UPF1: variants seen among roughly 807,000 people sequenced by gnomAD.
The protein encoded by UPF1 is regulator of nonsense transcripts 1.
In UPF1, 9 loss-of-function variants were observed where a neutral mutation model predicts 129.2. The observed-to-expected ratio is 0.07, with a 90% CI of 0.04 to 0.12. The LOEUF (loss-of-function observed/expected upper bound fraction) is 0.12. UPF1 is among the 10% of genes least tolerant of loss of function. The pLI, the probability that UPF1 is intolerant of heterozygous loss-of-function variation, is 1.00. For missense variants in UPF1, 788 were observed against 1,525.3 expected, an observed-to-expected ratio of 0.52 and a Z score of 8.05; for synonymous variants, 649 against 644.9, an observed-to-expected ratio of 1.01 and a Z score of -0.10.
intron 18 of UPF1, among the ~76,000 whole-genome samples, 183 bp downstream of exon 18, chr19:18,862,335 G>C (rs2145969180): frequency 6.6e-6 from 1 of 152,258 alleles, no homozygotes; most frequent in South Asian, 2.1e-4. Flanking sequence ...TGTGGCCCCT[G>C]TGCCTCAGCC....
At position 18,850,845 on chromosome 19, in the gene UPF1, A is replaced by G. The variant is rs1238021689; in HGVS notation, c.787A>G (p.Asn263Asp). ...RARQITAQQI[N>D]KLEELWKENP... Reference sequence around the variant, plus strand: ...ACGCCAGATCACGGCACAGCAGATCAACAAGCTGGAGGAGCTGTGGAAGGT... The same window carrying G: ...ACGCCAGATCACGGCACAGCAGATCGACAAGCTGGAGGAGCTGTGGAAGGT... The change falls in exon 5 of 24, where the codon AAC becomes GAC. Residue 263 changes from asparagine (N) to aspartate (D), a missense_variant. Physicochemically the swap from Asn to Asp is conservative, Grantham distance 23. Transcript: ENST00000262803. The surrounding 1 kb of genome is among the most constrained non-coding windows in gnomAD (Gnocchi z 7.1). The G allele has an allele frequency of 6.3e-7, 1 of 1,596,642 alleles. No homozygotes were observed. Among genetic ancestry groups the G allele is most frequent in the East Asian group, 2.3e-5 (1 of 44,266 alleles).
At chr19:18,852,901 C>T in intron 6 of UPF1, 86 bp from the exon 7 acceptor site, 2 of 1,132,562 alleles carry the variant, frequency 1.8e-6, no homozygotes, top group South Asian at 2.8e-5. Flanking sequence ...GCTGTAGGGC[C>T]CGCCTCATGG....
At chr19:18,866,489 T>C in intron 23 of UPF1, 32 bp from the exon 24 acceptor site, 1 of 285,866 alleles carries the variant, frequency 3.5e-6, no homozygotes. Context: ...TCGCAGCCTC[T>C]CACCGCCTCC....
chr19:18,848,921 C>T (rs1387332696), intron 3 of UPF1: 1 of 152,198 alleles, frequency 6.6e-6, no homozygotes. Flanking sequence ...GCTGGCAACC[C>T]CAGCTTCCGG....
chr19:18,835,193 A>G (rs1406786369), intron 1 of UPF1, among the ~76,000 whole-genome samples: 1 of 152,062 alleles, frequency 6.6e-6, no homozygotes, highest in Admixed American at 6.6e-5. Flanking sequence ...GAATCATATC[A>G]TATATGGTGT....
chr19:18,855,874 T>G (rs1202677686), intron 11 of UPF1, 51 bp from the exon 12 acceptor site: 2 of 1,597,380 alleles, frequency 1.3e-6, no homozygotes, highest in Non-Finnish European at 1.7e-6. Flanking sequence ...GCTTACTACG[T>G]TCACCGAGCT....
chr19:18,863,130 G>A (rs950249586), intron 18 of UPF1: 12 of 288,548 alleles, frequency 4.2e-5, no homozygotes, highest in South Asian at 1.4e-4. Context: ...CTGTGGGGCC[G>A]CGTGTGCCCC....
At position 18,866,177 on chromosome 19, in the gene UPF1, C is replaced by A; in HGVS notation, c.*3+11C>A. 6.3e-7 allele frequency: 1 copy of A among 1,578,280 alleles called. No homozygotes were observed. Among genetic ancestry groups the A allele is most frequent in the Non-Finnish European group, 8.6e-7 (1 of 1,161,734 alleles). On this transcript the variant is annotated intron_variant, in intron 23 of 23. Transcript: ENST00000262803. ...TCCCAGTATTAAAAGGCAAGCCCCC[C>A]TGGAGCAGGCCTGGCCCCACCCCAG... is the stretch of plus-strand genomic sequence containing the variant.
In UPF1 at chr19:18,863,432, T is replaced by C. The variant is rs753155657; in HGVS notation, c.2601-6T>C. The C allele has an allele frequency of 6.2e-7, 1 of 1,611,088 alleles. No individual in the cohort carries two copies. The highest frequency in any genetic ancestry group is 1.1e-5 in the South Asian group (1 of 91,058). On this transcript the variant is annotated splice_region_variant and splice_polypyrimidine_tract_variant and intron_variant, in intron 18 of 23. Transcript: ENST00000262803. Reference sequence around the variant, plus strand: ...CTGCGTCCTCAGCACTGCGCCCTTGTTGCAGGTATGGCGTCATCATTGTGG... The same window carrying C: ...CTGCGTCCTCAGCACTGCGCCCTTGCTGCAGGTATGGCGTCATCATTGTGG...
At chr19:18,852,648 CTCCTCTTTCT>C (rs1568276711) in intron 6 of UPF1, among the ~76,000 whole-genome samples, 2 of 149,140 alleles carry the variant, frequency 1.3e-5, no homozygotes, top group African/African-American at 5.0e-5. Flanking sequence ...CCTCCCTCCC[CTCCTCTTTCT>C]GTCCCTCCCT....
Position 18,850,767 on chromosome 19 carries a change from T to C in UPF1, c.709T>C (p.Cys237Arg). Residue 237 changes from cysteine (C) to arginine (R), a missense_variant, in exon 5 of 24, where the codon TGC (cysteine) becomes CGC (arginine). By Grantham distance (180) the Cys-to-Arg change is radical (BLOSUM62 -3). This residue lies in a region of UPF1 where 227 missense variants were observed against 517.9 expected (regional missense o/e 0.44). Coordinates refer to ENST00000262803, the MANE Select transcript of UPF1 (RefSeq NM_002911.4). This position sits in a 1 kb window ranked among gnomAD's most constrained non-coding sequence, Gnocchi z 7.1. The part of the protein sequence containing the change: ...SQWQPLIQDR[C>R]FLSWLVKIPS... Reference sequence around the variant, plus strand: ...GTGGCAGCCGCTGATCCAGGACCGCTGCTTCCTGTCCTGGCTGGTCAAGAT... The same window carrying C: ...GTGGCAGCCGCTGATCCAGGACCGCCGCTTCCTGTCCTGGCTGGTCAAGAT... 1.9e-6 allele frequency: 3 copies of C among 1,611,852 alleles called. No homozygotes were observed. The highest frequency in any genetic ancestry group is 1.1e-5 in the South Asian group (1 of 90,780).
intron 1 of UPF1, among the ~76,000 whole-genome samples, chr19:18,843,518 G>GTTTTTTTTT (rs35934501): frequency 8.1e-6 from 1 of 124,058 alleles, no homozygotes; most frequent in Admixed American, 8.7e-5. Context: ...GACTTTCTTT[G>GTTTTTTTTT]TTTTTTTTTT....
chr19:18,855,673 G>A (rs2055709161), intron 11 of UPF1: 4 of 550,842 alleles, frequency 7.3e-6, no homozygotes, highest in African/African-American at 1.9e-5. Context: ...AGGGTGAGAC[G>A]TCTCTACAAA....
In UPF1 at chr19:18,865,946, G is replaced by T; in HGVS notation, c.3238-98G>T. On this transcript the variant is annotated intron_variant, in intron 22 of 23. Coordinates refer to ENST00000262803, the MANE Select transcript of UPF1 (RefSeq NM_002911.4). The surrounding 1 kb of genome is among the most constrained non-coding windows in gnomAD (Gnocchi z 6.1). ...TGGGTCTCCTGGGTCTTAGTTTGGG[G>T]ACGGGTTTTCCATTCTTTTCTCTGG... 1 of 1,594,098 alleles carries T rather than the reference G, an allele frequency of 6.3e-7. No individual in the cohort carries two copies. The highest frequency in any genetic ancestry group is 8.5e-7 in the Non-Finnish European group (1 of 1,174,358).
At chr19:18,866,217 A>G in intron 23 of UPF1, 51 bp downstream of exon 23, 1 of 1,510,470 alleles carries the variant, frequency 6.6e-7, no homozygotes, top group Non-Finnish European at 8.8e-7. Context: ...AAGGAGAAGG[A>G]TGGGAGGGGG....
chr19:18,844,743 C>G (rs1332758711), intron 1 of UPF1, among the ~76,000 whole-genome samples: 1 of 152,216 alleles, frequency 6.6e-6, no homozygotes, highest in Non-Finnish European at 1.5e-5. Context: ...CTTCACCCAT[C>G]ATGTCCCCTG....
rs749189806 is a variant in UPF1 at position 18,853,028 on chromosome 19, C to T, written c.1014C>T (p.Asn338=). Residue 338 remains asparagine, a synonymous_variant, in exon 7 of 24, where the codon AAC becomes AAT. Coordinates refer to ENST00000262803, the MANE Select transcript of UPF1 (RefSeq NM_002911.4). This position sits in a 1 kb window ranked among gnomAD's most constrained non-coding sequence, Gnocchi z 4.4. ...NITVRWDLGL[N]KKRIAYFTLP... ...CTGTCAGGTGGGACCTGGGCCTTAA[C>T]AAGAAGAGAATCGCCTACTTCACTT... is the stretch of plus-strand genomic sequence containing the variant. 4.3e-6 allele frequency: 7 copies of T among 1,613,982 alleles called. No homozygotes were observed. Among genetic ancestry groups the T allele is most frequent in the African/African-American group, 1.3e-5 (1 of 74,908 alleles).
chr19:18,836,152 G>A (rs189963857), intron 1 of UPF1, among the ~76,000 whole-genome samples: 5 of 152,292 alleles, frequency 3.3e-5, no homozygotes, highest in Admixed American at 2.6e-4. Flanking sequence ...GACAGTTTTC[G>A]AGCATCTGAC....
chr19:18,833,157 C>T (rs1315838524), intron 1 of UPF1: 1 of 152,290 alleles, frequency 6.6e-6, no homozygotes, highest in African/African-American at 2.4e-5. Context: ...TTCACAGTCA[C>T]GGAGCGTAGG....
Sources: allele counts gnomAD v4.1 joint callset (sites outside exome capture counted in the v4.1 genomes callset), GRCh38; gene constraint gnomAD v4.1.1; regional missense constraint gnomAD v4.1.1; non-coding constraint Gnocchi (gnomAD v3.1); transcripts MANE v1.5; gene names NCBI Gene and HGNC (gene_info 2026-07-23, HGNC 2026-07-21).